Variants in MYCBP2 observed in about 807,000 individuals in gnomAD.
MYCBP2 encodes MYC binding protein 2, also known as E3 ubiquitin-protein ligase MYCBP2.
Under a neutral mutation model 525.3 loss-of-function variants are expected in MYCBP2, and 120 were observed. The ratio of observed to expected loss-of-function variants is 0.23; its 90% confidence interval spans 0.20 to 0.27. The LOEUF is 0.27. Among genes scored for constraint, MYCBP2 ranks in the 10% least tolerant of loss-of-function variants. The pLI, the probability that MYCBP2 is intolerant of heterozygous loss-of-function variation, is 1.00. For missense variants in MYCBP2, 4,149 were observed against 5,657.1 expected, an observed-to-expected ratio of 0.73 and a Z score of 8.55; for synonymous variants, 1,894 against 1,955.8, an observed-to-expected ratio of 0.97 and a Z score of 0.83.
chr13:77,160,440 G>A (rs372819840), intron 44 of MYCBP2, among the ~76,000 whole-genome samples: 5 of 152,244 alleles, frequency 3.3e-5, no homozygotes, highest in South Asian at 4.1e-4. Flanking sequence ...TGAAATAAAT[G>A]TTTTCATTAT....
chr13:77,253,582 G>A lies in MYCBP2; in HGVS notation c.2177-2227C>T, dbSNP rs1384232632. ...AACTAATTTATGGTAATTAACTGAA[G>A]GGCAGAGAGGAACATACAGTGGGGC... On this transcript the variant is annotated intron_variant, in intron 14 of 82. Transcript: ENST00000544440. Among the ~76,000 whole-genome samples the A allele has an allele frequency of 5.9e-5, 9 of 151,822 alleles. No homozygotes were observed. In the South Asian group the frequency reaches 8.3e-4, roughly 14 times the overall value.
Position 77,216,744 on chromosome 13 carries a change from TAC to T in MYCBP2, c.3057+1094_3057+1095del, listed in dbSNP as rs920129579. On this transcript the variant is annotated intron_variant, in intron 21 of 82. Transcript: ENST00000544440. ...AGACAATACATAGCTGTAGAAATGT[TAC>T]AGATTAAAGGAGACTAAAGACACAC... 2.4e-4 allele frequency among the ~76,000 whole-genome samples: 37 copies of T among 152,128 alleles called. 2 individuals are homozygous for T. The highest frequency in any genetic ancestry group is 2.2e-3 in the Admixed American group (33 of 15,278).
intron 3 of MYCBP2, among the ~76,000 whole-genome samples, chr13:77,283,286 CTT>C (rs1469456029): frequency 6.6e-6 from 1 of 152,188 alleles, no homozygotes; most frequent in Admixed American, 6.5e-5. Flanking sequence ...CTCTCTCTCT[CTT>C]GCTCTATCTC....
chr13:77,198,864 T>A (rs1242809631), intron 26 of MYCBP2, among the ~76,000 whole-genome samples: 1 of 152,198 alleles, frequency 6.6e-6, no homozygotes, highest in East Asian at 1.9e-4. Context: ...AGTAGCCACA[T>A]AAAAAGGCAC....
Position 77,213,442 on chromosome 13 carries a change from C to T in MYCBP2, c.3058-1282G>A, listed in dbSNP as rs576182013. On this transcript the variant is annotated intron_variant, in intron 21 of 82. Transcript: ENST00000544440. ...GTGAGCTGAGATCATCATGCCACTA[C>T]ATTCTAGCCTGGATGACAGAGTGAG... 5.3e-5 allele frequency among the ~76,000 whole-genome samples: 8 copies of T among 152,000 alleles called. No individual in the cohort carries two copies. In the South Asian group the frequency reaches 1.7e-3, roughly 32 times the overall value.
intron 41 of MYCBP2, 141 bp from the exon 42 acceptor site, chr13:77,165,532 C>T (rs2274549): frequency 0.052 from 31,345 of 600,432 alleles, 1,195 homozygotes; most frequent in African/African-American, 0.15. Context: ...AATAGACTTG[C>T]GGCGGGGAGC....
intron 4 of MYCBP2, among the ~76,000 whole-genome samples, chr13:77,277,052 A>G (rs2075702078): frequency 6.6e-6 from 1 of 152,086 alleles, no homozygotes; most frequent in Non-Finnish European, 1.5e-5. Flanking sequence ...AGAATAAAGG[A>G]AAGAAAGTAT....
At chr13:77,199,474 C>T (rs1317347095) in intron 26 of MYCBP2, among the ~76,000 whole-genome samples, 3 of 152,038 alleles carry the variant, frequency 2.0e-5, no homozygotes, top group Non-Finnish European at 4.4e-5. Flanking sequence ...GAGGGGCGCC[C>T]GCCATTGCCC....
chr13:77,150,911 C>T lies in MYCBP2; in HGVS notation c.6954G>A (p.Met2318Ile), dbSNP rs775823423. Residue 2318 changes from methionine (M) to isoleucine (I), a missense_variant, in exon 47 of 83, where the codon ATG (methionine) becomes ATA (isoleucine). Met to Ile is a conservative substitution (Grantham distance 10). Around this residue, in one of 21 missense-constraint regions of MYCBP2, gnomAD observed 692 missense variants for 852.7 expected, o/e 0.81. Transcript: ENST00000544440. ...VKAVPVSQKK[M>I]SLQQDQAKKP... Reference sequence around the variant, plus strand: ...TCTTTGCTTGATCTTGTTGTAAAGACATTTTTTTCTGAGAAACAGGGACAG... The same window carrying T: ...TCTTTGCTTGATCTTGTTGTAAAGATATTTTTTTCTGAGAAACAGGGACAG... The T allele has an allele frequency of 1.2e-6, 2 of 1,614,006 alleles. No individual in the cohort carries two copies. Among genetic ancestry groups the T allele is most frequent in the Non-Finnish European group, 8.5e-7 (1 of 1,179,952 alleles).
rs2058403326 is a variant in MYCBP2, at chr13:77,165,289, C to T, written c.6443G>A (p.Ser2148Asn). 3.7e-6 allele frequency: 6 copies of T among 1,608,932 alleles called. No individual in the cohort carries two copies. The highest frequency in any genetic ancestry group is 1.7e-6 in the Non-Finnish European group (2 of 1,177,196). ...CATTCTTACCTCATCAGGTCCAGGG[C>T]TAAATTCATATCCAATTGCAAAACA... ...FKCFAIGYEF[S>N]PGPDEGVIQL... The change falls in exon 42 of 83, where the codon AGC becomes AAC. Residue 2148 changes from serine (S) to asparagine (N), a missense_variant. Coordinates refer to ENST00000544440, the MANE Select transcript of MYCBP2 (RefSeq NM_015057.5).
At chr13:77,114,411 T>C (rs930823302) in intron 55 of MYCBP2, among the ~76,000 whole-genome samples, 1 of 152,146 alleles carries the variant, frequency 6.6e-6, no homozygotes, top group Admixed American at 6.6e-5. Flanking sequence ...AATTCAGACC[T>C]GTCAGATAAC....
intron 35 of MYCBP2, among the ~76,000 whole-genome samples, chr13:77,177,072 T>C (rs894471170): frequency 6.6e-6 from 1 of 151,848 alleles, no homozygotes; most frequent in Admixed American, 6.6e-5. Flanking sequence ...ACAAATAGTG[T>C]CTTCACTAAG....
intron 74 of MYCBP2, 63 bp from the exon 75 acceptor site, chr13:77,061,853 T>G: frequency 7.0e-7 from 1 of 1,420,168 alleles, no homozygotes. Flanking sequence ...TCATACAAAT[T>G]GAATATAATT....
chr13:77,047,868 C>T (rs998989734), intron 82 of MYCBP2, among the ~76,000 whole-genome samples: 2 of 152,140 alleles, frequency 1.3e-5, no homozygotes, highest in African/African-American at 4.8e-5. Flanking sequence ...TAAGCACATT[C>T]CTTCCCCTTT....
intron 17 of MYCBP2, among the ~76,000 whole-genome samples, chr13:77,235,450 G>C (rs1422155348): frequency 6.6e-6 from 1 of 152,050 alleles, no homozygotes; most frequent in Non-Finnish European, 1.5e-5. Context: ...AAAAATACAT[G>C]TAGCTGACTT....
intron 8 of MYCBP2, among the ~76,000 whole-genome samples, chr13:77,266,851 T>C (rs2074180292): frequency 6.6e-6 from 1 of 151,630 alleles, no homozygotes; most frequent in Non-Finnish European, 1.5e-5. Context: ...CCTCTATTTC[T>C]GAAATGGACA....
chr13:77,123,036 T>G (rs2051027564), intron 54 of MYCBP2, among the ~76,000 whole-genome samples: 1 of 152,222 alleles, frequency 6.6e-6, no homozygotes. Context: ...GCAGTAACTT[T>G]GCCTACTACA....
intron 69 of MYCBP2, among the ~76,000 whole-genome samples, chr13:77,069,398 G>A (rs851509): frequency 0.011 from 1,674 of 152,176 alleles, 26 homozygotes; most frequent in African/African-American, 0.038. Flanking sequence ...CGAGGCGGGC[G>A]GATCATGAGA....
At chr13:77,189,723 TA>T (rs1001409142) in intron 29 of MYCBP2, among the ~76,000 whole-genome samples, 4 of 152,178 alleles carry the variant, frequency 2.6e-5, no homozygotes, top group African/African-American at 9.6e-5. Context: ...TAAATTATTG[TA>T]AGTTAAAATT....
Sources: gnomAD v4.1 joint callset for allele counts (sites outside exome capture counted in the v4.1 genomes callset) on GRCh38, gnomAD v4.1.1 for gene constraint, gnomAD v4.1.1 regional missense constraint, MANE v1.5 for transcripts, NCBI Gene and HGNC (gene_info 2026-07-23, HGNC 2026-07-21) for gene names.